Variants in ASMTL observed in about 807,000 individuals in gnomAD.
ASMTL encodes probable bifunctional dTTP/UTP pyrophosphatase/methyltransferase protein.
In ASMTL, 57 loss-of-function variants were observed where a neutral mutation model predicts 60.3. The ratio of observed to expected loss-of-function variants is 0.95; its 90% confidence interval spans 0.76 to 1.18. The LOEUF is 1.18. Ranked by LOEUF, ASMTL falls within the 50% of genes most tolerant of loss-of-function variation. ASMTL has a pLI of 0.00. For missense variants in ASMTL, 981 were observed against 852.6 expected, an observed-to-expected ratio of 1.15 and a Z score of -1.88; for synonymous variants, 419 against 373.0, an observed-to-expected ratio of 1.12 and a Z score of -1.42.
intron 12 of ASMTL, among the ~76,000 whole-genome samples, chrX:1,411,944 T>G (rs1458553806): frequency 6.6e-6 from 1 of 150,594 alleles, no homozygotes; most frequent in Non-Finnish European, 1.5e-5. Flanking sequence ...CCTGAGTAGC[T>G]GGGATTACAG....
chrX:1,414,662 C>T lies in ASMTL; in HGVS notation c.1523-1808G>A, dbSNP rs372682615. ...AGTGGAGGTTGCAGTGAGCTAAGAT[C>T]ACGCCACTGCACTCCAGCCTGGGTG... On this transcript the variant is annotated intron_variant, in intron 11 of 12. Coordinates refer to ENST00000381317, the MANE Select transcript of ASMTL (RefSeq NM_004192.4). 6.6e-5 allele frequency among the ~76,000 whole-genome samples: 10 copies of T among 152,210 alleles called. No individual in the cohort carries two copies. The East Asian group carries it at 7.8e-4, about 12-fold the overall frequency.
intron 8 of ASMTL, among the ~76,000 whole-genome samples, chrX:1,423,595 G>A (rs62605755): frequency 0.68 from 100,943 of 148,424 alleles, 34,756 homozygotes; most frequent in South Asian, 0.87. Flanking sequence ...CACCCATCTA[G>A]TCATCCACCC....
chrX:1,442,036 C>T (rs2091120846), intron 2 of ASMTL, 150 bp downstream of exon 2: 2 of 812,576 alleles, frequency 2.5e-6, no homozygotes, highest in East Asian at 2.4e-5. Flanking sequence ...TGCAATAGTG[C>T]ATTACATTAT....
chrX:1,429,417 C>T (rs773264594), intron 6 of ASMTL, among the ~76,000 whole-genome samples: 17 of 151,908 alleles, frequency 1.1e-4, no homozygotes, highest in South Asian at 2.1e-4. Context: ...AGGCTGGTCT[C>T]GAACTCCTGG....
In ASMTL at chrX:1,416,822, GAT is replaced by G. The variant is rs1271099266; in HGVS notation, c.1522+1149_1522+1150del. On this transcript the variant is annotated intron_variant, in intron 11 of 12. Transcript: ENST00000381317. ...GACATGCACACACACCATGCACACA[GAT>G]ACAGATGGGCACACAGACATGCACA... Among the ~76,000 whole-genome samples the G allele has an allele frequency of 4.5e-4, 65 of 144,812 alleles. 1 individual carries two copies. Among genetic ancestry groups the G allele is most frequent in the African/African-American group, 1.5e-3 (57 of 38,936 alleles).
intron 11 of ASMTL, among the ~76,000 whole-genome samples, chrX:1,417,129 A>C (rs1319975306): frequency 6.6e-6 from 1 of 151,854 alleles, no homozygotes; most frequent in Non-Finnish European, 1.5e-5. Context: ...ACATGCACAC[A>C]GACACACAAC....
chrX:1,416,648 C>G (rs1366214732), intron 11 of ASMTL, among the ~76,000 whole-genome samples: 7 of 152,000 alleles, frequency 4.6e-5, no homozygotes, highest in Non-Finnish European at 7.4e-5. Flanking sequence ...CATATGCAAG[C>G]ACACACCACA....
At chrX:1,416,424 GGCA>G (rs2149286697) in intron 11 of ASMTL, among the ~76,000 whole-genome samples, 1 of 84,888 alleles carries the variant, frequency 1.2e-5, no homozygotes, top group South Asian at 3.8e-4. Context: ...CCAACAGACA[GGCA>G]CACGCACATA....
chrX:1,403,296 G>A lies in ASMTL; in HGVS notation c.1839C>T (p.Ala613=), dbSNP rs751825545. The A allele has an allele frequency of 6.2e-7, 1 of 1,613,030 alleles. No individual in the cohort carries two copies. The highest frequency in any genetic ancestry group is 2.2e-5 in the East Asian group (1 of 44,886). The change falls in exon 13 of 13, where the codon GCC becomes GCT. Residue 613 remains alanine (A), a synonymous_variant. Transcript: ENST00000381317. ...AGGGGGCCACTTTGGTGGCCAAGATGGCATCCAGGACACCCCCCAAGTGCA... is the reference window on the plus strand; with the variant it reads ...AGGGGGCCACTTTGGTGGCCAAGATAGCATCCAGGACACCCCCCAAGTGCA... ...QVVHLGGVLD[A]ILATKVAP
At position 1,433,012 on chromosome X, in the gene ASMTL, C is replaced by T. The variant is rs371656628; in HGVS notation, c.401-635G>A. Among the ~76,000 whole-genome samples, 397 of 152,150 alleles carry T rather than the reference C, an allele frequency of 2.6e-3. 1 individual carries two copies. Among genetic ancestry groups the T allele is most frequent in the East Asian group, 0.018 (94 of 5,164 alleles). On this transcript the variant is annotated intron_variant, in intron 5 of 12. Coordinates refer to ENST00000381317, the MANE Select transcript of ASMTL (RefSeq NM_004192.4). Reference sequence around the variant, plus strand: ...ACTCGGGAGGCTGAGGCAGGAGAATCGCTTGAACCCGGGAGGCGGAGGTTG... The same window carrying T: ...ACTCGGGAGGCTGAGGCAGGAGAATTGCTTGAACCCGGGAGGCGGAGGTTG...
At chrX:1,430,014 CTTAA>C (rs1332674577) in intron 6 of ASMTL, among the ~76,000 whole-genome samples, 21 of 150,994 alleles carry the variant, frequency 1.4e-4, no homozygotes, top group Non-Finnish European at 2.5e-4. Context: ...TCCCGTCTCA[CTTAA>C]TTTTTTTTTT....
intron 10 of ASMTL, among the ~76,000 whole-genome samples, chrX:1,418,529 C>T (rs1236908037): frequency 1.3e-5 from 2 of 152,056 alleles, no homozygotes; most frequent in Non-Finnish European, 2.9e-5. Flanking sequence ...GCTGGTGCTA[C>T]AGCAGCCACT....
At chrX:1,453,429 C>T (rs1329363394), upstream of ASMTL, among the ~76,000 whole-genome samples, 2 of 151,728 alleles carry the variant, frequency 1.3e-5, no homozygotes, top group East Asian at 1.9e-4. Flanking sequence ...CCGCCCCCGG[C>T]GCTCGCCCCG....
intron 11 of ASMTL, among the ~76,000 whole-genome samples, chrX:1,413,524 C>CG (rs1440449183): frequency 2.0e-5 from 3 of 152,144 alleles, no homozygotes; most frequent in South Asian, 2.1e-4. Flanking sequence ...TTGCCTGTTG[C>CG]GGGGGGCGCA....
intron 3 of ASMTL, among the ~76,000 whole-genome samples, chrX:1,437,741 C>CA (rs1305079825): frequency 7.9e-5 from 12 of 151,392 alleles, no homozygotes; most frequent in Non-Finnish European, 1.5e-4. Context: ...ACTAAAAATA[C>CA]AAAAAATTAG....
chrX:1,404,465 G>T (rs1175785847), intron 12 of ASMTL, among the ~76,000 whole-genome samples: 1 of 146,904 alleles, frequency 6.8e-6, no homozygotes, highest in Admixed American at 6.8e-5. Context: ...TGGGTAGGTA[G>T]GTAGATAGAT....
chrX:1,419,994 G>C (rs1457470538), intron 9 of ASMTL, among the ~76,000 whole-genome samples: 11 of 151,480 alleles, frequency 7.3e-5, no homozygotes, highest in South Asian at 4.2e-4. Flanking sequence ...CTCTCTCTCT[G>C]TTTCTGTCTC....
intron 3 of ASMTL, among the ~76,000 whole-genome samples, chrX:1,437,944 C>T (rs868860214): frequency 2.7e-5 from 4 of 148,654 alleles, no homozygotes; most frequent in South Asian, 2.1e-4. Flanking sequence ...AATTAAGATG[C>T]GGTTGGACAG....
In ASMTL at chrX:1,410,493, C is replaced by T. The variant is rs755426953; in HGVS notation, c.1645+2239G>A. The stretch of plus-strand genomic sequence containing the variant: ...GCAGTGGCGCGATCTCTGCTCACTG[C>T]AACCTTCGCCTCCCAGGTTCAAGTG... On this transcript the variant is annotated intron_variant, in intron 12 of 12. Coordinates refer to ENST00000381317, the MANE Select transcript of ASMTL (RefSeq NM_004192.4). Among the ~76,000 whole-genome samples, 7 of 152,084 alleles carry T rather than the reference C, an allele frequency of 4.6e-5. No individual in the cohort carries two copies. The South Asian group carries it at 6.2e-4, about 14-fold the overall frequency.
Sources: gnomAD v4.1 joint callset for allele counts (sites outside exome capture counted in the v4.1 genomes callset) on GRCh38, gnomAD v4.1.1 for gene constraint, MANE v1.5 for transcripts, NCBI Gene and HGNC (gene_info 2026-07-23, HGNC 2026-07-21) for gene names.